The following RALGAPA1 variants were observed in gnomAD, a reference collection of about 807,000 sequenced individuals.
The protein encoded by RALGAPA1 is ral GTPase-activating protein subunit alpha-1.
A neutral mutation model predicts 269.6 loss-of-function variants in RALGAPA1; 52 were observed. The ratio of observed to expected loss-of-function variants is 0.19; its 90% confidence interval spans 0.15 to 0.24. The LOEUF is 0.24. Ranked by LOEUF, RALGAPA1 falls within the 10% of genes least tolerant of loss-of-function variation. RALGAPA1 has a pLI of 1.00. For synonymous variants in RALGAPA1, 817 were observed against 1,008.3 expected (o/e 0.81, Z 3.60); for missense variants, 1,917 against 3,013.9 (o/e 0.64, Z 8.52).
intron 1 of RALGAPA1, among the ~76,000 whole-genome samples, chr14:35,803,332 T>C (rs2077112020): frequency 6.6e-6 from 1 of 152,142 alleles, no homozygotes; most frequent in Non-Finnish European, 1.5e-5. Context: ...CATACCATAG[T>C]TAAAACTCAG....
Position 35,781,584 on chromosome 14 carries a change from ATCTAT to A in RALGAPA1, c.107-5844_107-5840del, listed in dbSNP as rs2075430577. On this transcript the variant is annotated intron_variant, in intron 1 of 41. Transcript: ENST00000680220. ...AAATACTAGAAAACTGAATCTATCT[ATCTAT>A]CTATCTATCTATCTATCTACACACA... Among the ~76,000 whole-genome samples, 5 of 71,354 alleles carry A rather than the reference ATCTAT, an allele frequency of 7.0e-5. No individual in the cohort carries two copies. The African/African-American group carries it at 1.1e-3, about 15-fold the overall frequency. The allele number at this position is 71,354 out of a possible 152,430, so 46.8% of individuals were successfully genotyped here. A position where few individuals can be genotyped will look rare whatever the true frequency, so the allele number is the denominator to read the frequency against.
At chr14:35,671,306 A>G (rs1266222150) in intron 26 of RALGAPA1, 83 bp downstream of exon 26, 4 of 1,280,416 alleles carry the variant, frequency 3.1e-6, no homozygotes, top group Non-Finnish European at 4.2e-6. Flanking sequence ...TTTCCTGATT[A>G]TCAGCTTGTT....
intron 4 of RALGAPA1, among the ~76,000 whole-genome samples, chr14:35,768,320 A>G (rs749597534): frequency 5.5e-4 from 84 of 152,290 alleles, no homozygotes; most frequent in Admixed American, 5.2e-4. Context: ...GCCTCAAGTG[A>G]TCATCCTCTT....
intron 35 of RALGAPA1, among the ~76,000 whole-genome samples, chr14:35,620,426 G>A (rs1036571780): frequency 6.6e-6 from 1 of 152,074 alleles, no homozygotes; most frequent in African/African-American, 2.4e-5. Flanking sequence ...GCAAAAACTG[G>A]AAGCATTCCC....
chr14:35,768,705 A>C (rs2074342333), intron 4 of RALGAPA1, among the ~76,000 whole-genome samples: 1 of 151,796 alleles, frequency 6.6e-6, no homozygotes, highest in African/African-American at 2.4e-5. Flanking sequence ...TAAAAAAAAT[A>C]CAGTACTACA....
chr14:35,600,203 C>T (rs1594764585), intron 36 of RALGAPA1, among the ~76,000 whole-genome samples: 5 of 121,430 alleles, frequency 4.1e-5, no homozygotes, highest in Admixed American at 1.6e-4. Flanking sequence ...GGTTTCTTTT[C>T]TTTTCCTTTT....
rs2066178429 is a variant in RALGAPA1 at position 35,688,599 on chromosome 14, C to T, written c.3812G>A (p.Gly1271Asp). ...EAGLQQGSLG[G>D]VYKTVVHALS... ...AGCATGTACAACAGTTTTATAAACG[C>T]CACCCAGGGAGCCCTGCTGTAGTCC... Residue 1271 changes from glycine to aspartate, a missense_variant, in exon 18 of 42, where the codon GGC becomes GAC. Gly to Asp is a moderately conservative substitution (Grantham distance 94, BLOSUM62 -1). Around this residue, in one of 11 missense-constraint regions of RALGAPA1, gnomAD observed 615 missense variants for 790.0 expected, o/e 0.78. Coordinates refer to ENST00000680220, the MANE Select transcript of RALGAPA1 (RefSeq NM_001346249.2). The T allele has an allele frequency of 1.6e-5, 25 of 1,535,538 alleles. No homozygotes were observed. The South Asian group carries it at 2.9e-4, about 18-fold the overall frequency.
chr14:35,647,816 T>C (rs1388771802), intron 31 of RALGAPA1, among the ~76,000 whole-genome samples: 2 of 150,892 alleles, frequency 1.3e-5, no homozygotes, highest in East Asian at 2.0e-4. Flanking sequence ...AGCATAGTGG[T>C]GTGTGCTTGT....
At chr14:35,671,965 T>C (rs2064487546) in intron 25 of RALGAPA1, among the ~76,000 whole-genome samples, 1 of 152,208 alleles carries the variant, frequency 6.6e-6, no homozygotes, top group African/African-American at 2.4e-5. Context: ...ATGATAGGTA[T>C]CAAGCCTCAG....
chr14:35,546,083 T>G (rs1251831016), intron 41 of RALGAPA1, among the ~76,000 whole-genome samples: 1 of 152,142 alleles, frequency 6.6e-6, no homozygotes, highest in Non-Finnish European at 1.5e-5. Context: ...ATCACGATAT[T>G]TCCCTCAATG....
At chr14:35,658,186 C>T (rs1047049596) in intron 28 of RALGAPA1, among the ~76,000 whole-genome samples, 5 of 152,066 alleles carry the variant, frequency 3.3e-5, no homozygotes, top group South Asian at 2.1e-4. Flanking sequence ...TTGGGATTAG[C>T]GTAAAAGAAC....
At chr14:35,670,431 A>T (rs965766035) in intron 26 of RALGAPA1, among the ~76,000 whole-genome samples, 1 of 152,148 alleles carries the variant, frequency 6.6e-6, no homozygotes, top group African/African-American at 2.4e-5. Context: ...TATGAATTTG[A>T]TCATGTCACT....
At chr14:35,682,939 T>C (rs1281488334) in intron 21 of RALGAPA1, among the ~76,000 whole-genome samples, 2 of 152,184 alleles carry the variant, frequency 1.3e-5, no homozygotes, top group East Asian at 3.9e-4. Flanking sequence ...ACTTTTAGAA[T>C]TCCCCTGGCT....
At chr14:35,658,476 G>A (rs2063340763) in intron 28 of RALGAPA1, among the ~76,000 whole-genome samples, 1 of 152,018 alleles carries the variant, frequency 6.6e-6, no homozygotes, top group Admixed American at 6.6e-5. Flanking sequence ...CAATATTGTA[G>A]CAAATGACGT....
chr14:35,606,609 C>T lies in RALGAPA1; in HGVS notation c.6930-900G>A, dbSNP rs150491798. On this transcript the variant is annotated intron_variant, in intron 35 of 41. Coordinates refer to ENST00000680220, the MANE Select transcript of RALGAPA1 (RefSeq NM_001346249.2). ...AAAATTAAAAATGTTTATAAAAGCA[C>T]ATTTCTTGTTTGAAATTTAGCTTTG... Among the ~76,000 whole-genome samples, 691 of 152,172 alleles carry T rather than the reference C, an allele frequency of 4.5e-3. 9 individuals carry two copies. The highest frequency in any genetic ancestry group is 0.016 in the African/African-American group (666 of 41,534).
intron 39 of RALGAPA1, among the ~76,000 whole-genome samples, chr14:35,559,552 A>G (rs997151075): frequency 2.1e-4 from 32 of 152,162 alleles, no homozygotes; most frequent in African/African-American, 7.5e-4. Context: ...AGATAGAAGC[A>G]AACTTCAAGT....
At chr14:35,705,785 T>A (rs1380406443) in intron 16 of RALGAPA1, among the ~76,000 whole-genome samples, 3 of 152,180 alleles carry the variant, frequency 2.0e-5, no homozygotes, top group Non-Finnish European at 4.4e-5. Context: ...CCAGTGAGAG[T>A]TCCCATTGCT....
At chr14:35,681,540 G>T (rs955178028) in intron 21 of RALGAPA1, among the ~76,000 whole-genome samples, 2 of 152,050 alleles carry the variant, frequency 1.3e-5, no homozygotes, top group Middle Eastern at 3.2e-3. Flanking sequence ...AGAGAATTAA[G>T]AAATAAAAAA....
intron 38 of RALGAPA1, among the ~76,000 whole-genome samples, chr14:35,572,143 T>G (rs1302726227): frequency 1.3e-5 from 2 of 152,196 alleles, no homozygotes; most frequent in Non-Finnish European, 2.9e-5. Flanking sequence ...AGAATCCTCA[T>G]TTATTGACAT....
Sources: allele counts gnomAD v4.1 joint callset (sites outside exome capture counted in the v4.1 genomes callset), GRCh38; gene constraint gnomAD v4.1.1; regional missense constraint gnomAD v4.1.1; transcripts MANE v1.5; gene names NCBI Gene and HGNC (gene_info 2026-07-23, HGNC 2026-07-21).